TEF: variants seen among roughly 807,000 people sequenced by gnomAD.
TEF encodes thyrotroph embryonic factor.
TEF carries 3 observed loss-of-function variants against 20.8 expected under a neutral mutation model. The observed-to-expected ratio is 0.14, with a 90% confidence interval of 0.07 to 0.37. The LOEUF is 0.37. TEF is among the 10% of genes least tolerant of loss of function. TEF has a pLI of 1.00. For synonymous variants in TEF, 180 were observed against 171.1 expected (o/e 1.05, Z -0.41); for missense variants, 296 against 397.9 (o/e 0.74, Z 2.18).
intron 1 of TEF, 59 bp from the exon 2 acceptor site, chr22:41,387,292 C>T: frequency 6.3e-7 from 1 of 1,581,510 alleles, no homozygotes; most frequent in Non-Finnish European, 8.6e-7. Flanking sequence ...TCACTGCCCA[C>T]TTCCTGGGAT....
chr22:41,385,975 GC>G (rs1203757108), intron 1 of TEF, among the ~76,000 whole-genome samples: 1 of 141,554 alleles, frequency 7.1e-6, no homozygotes, highest in Admixed American at 7.5e-5. Flanking sequence ...GTGAGCCACC[GC>G]CCCCGGTACC....
At chr22:41,378,458 G>A (rs2036975349), upstream of TEF, among the ~76,000 whole-genome samples, 1 of 150,174 alleles carries the variant, frequency 6.7e-6, no homozygotes, top group Admixed American at 6.7e-5. Flanking sequence ...CCATTCTCCT[G>A]CTTCAACCTC....
intron 2 of TEF, 85 bp downstream of exon 2, chr22:41,387,753 C>T (rs2037115566): frequency 7.3e-7 from 1 of 1,367,388 alleles, no homozygotes; most frequent in African/African-American, 1.4e-5. Context: ...TCCATGTACC[C>T]AGTGAGTCCC....
upstream of TEF, among the ~76,000 whole-genome samples, chr22:41,378,165 C>CTTTTT (rs1227353344): frequency 3.4e-5 from 3 of 89,468 alleles, no homozygotes; most frequent in Non-Finnish European, 4.5e-5. Context: ...CCTTAGCTTC[C>CTTTTT]TTTTTTTTTT....
intron 1 of TEF, chr22:41,368,986 C>T (rs762299389): frequency 1.0e-5 from 9 of 887,874 alleles, no homozygotes; most frequent in Non-Finnish European, 1.2e-5. Context: ...CAGAGCTGAA[C>T]ACATTTCCAA....
upstream of TEF, among the ~76,000 whole-genome samples, chr22:41,379,662 C>T (rs1376513549): frequency 1.3e-5 from 2 of 152,080 alleles, no homozygotes; most frequent in African/African-American, 4.8e-5. Context: ...GTCAGGAGTT[C>T]GAGACCAGCC....
At chr22:41,380,079 CA>C (rs1369919916), upstream of TEF, among the ~76,000 whole-genome samples, 2 of 152,138 alleles carry the variant, frequency 1.3e-5, no homozygotes, top group African/African-American at 4.8e-5. Flanking sequence ...CAAAGTCCTT[CA>C]AATCTCTTGC....
At chr22:41,371,010 C>T (rs958073640) in intron 1 of TEF, among the ~76,000 whole-genome samples, 6 of 152,206 alleles carry the variant, frequency 3.9e-5, no homozygotes, top group African/African-American at 1.4e-4. Flanking sequence ...TCAGTTTCCC[C>T]TCTATGTCCC....
intron 1 of TEF, among the ~76,000 whole-genome samples, chr22:41,368,389 G>A (rs564093125): frequency 7.2e-5 from 11 of 152,150 alleles, no homozygotes; most frequent in African/African-American, 2.7e-4. Flanking sequence ...TGAGCACCTG[G>A]GGTGTCCTCT....
In TEF at chr22:41,398,346, G is replaced by A. The variant is rs1440173008; in HGVS notation, c.*2386G>A. ...TCTTGGAGGCCGACCGCTGGAGACTGCGGCTCCTGTGCTTGGATCTTTGAC... is the reference window on the plus strand; with the variant it reads ...TCTTGGAGGCCGACCGCTGGAGACTACGGCTCCTGTGCTTGGATCTTTGAC... On this transcript the variant is annotated 3_prime_UTR_variant, in exon 4 of 4. Coordinates refer to ENST00000266304, the MANE Select transcript of TEF (RefSeq NM_003216.4). 6.5e-6 allele frequency: 1 copy of A among 153,792 alleles called. No individual in the cohort carries two copies. The highest frequency in any genetic ancestry group is 1.5e-5 in the Non-Finnish European group (1 of 68,072). 9.5% of individuals were successfully genotyped at this position (153,792 alleles called of 1,614,324 possible). A position where few individuals can be genotyped will look rare whatever the true frequency, so the allele number is the denominator to read the frequency against.
At chr22:41,371,482 T>C (rs9611565) in intron 1 of TEF, among the ~76,000 whole-genome samples, 46,093 of 150,840 alleles carry the variant, frequency 0.31, 7,793 homozygotes, top group Admixed American at 0.48. Context: ...AACCCACTGG[T>C]TGGGACTTGC....
At chr22:41,374,375 C>A (rs1278684490) in intron 1 of TEF, among the ~76,000 whole-genome samples, 3 of 152,014 alleles carry the variant, frequency 2.0e-5, no homozygotes, top group African/African-American at 7.2e-5. Context: ...ATGGTGCAAC[C>A]CTGTCTCTAC....
At chr22:41,392,670 C>CAAAAAAAA (rs920294546) in intron 2 of TEF, among the ~76,000 whole-genome samples, 3 of 39,324 alleles carry the variant, frequency 7.6e-5, no homozygotes, top group Non-Finnish European at 9.1e-5. Flanking sequence ...TGAGACTCTT[C>CAAAAAAAA]AAAAAAAAAA....
chr22:41,380,214 C>T (rs938283015), upstream of TEF, among the ~76,000 whole-genome samples: 25 of 152,158 alleles, frequency 1.6e-4, no homozygotes, highest in Non-Finnish European at 1.5e-4. Flanking sequence ...TGCAGTGGCG[C>T]GATCTCGGCT....
In TEF at chr22:41,395,766, C is replaced by T. The variant is rs2145993672; in HGVS notation, c.718C>T (p.Arg240Cys). Residue 240 changes from arginine (R) to cysteine (C), a missense_variant, in exon 4 of 4, where the codon CGC (arginine) becomes TGC (cysteine). This residue lies in a region of TEF where 194 missense variants were observed against 317.8 expected (regional missense o/e 0.61). Transcript: ENST00000266304. ...ACAGGATGAAAAGTACTGGACAAGA[C>T]GCAAGAAGAACAACGTGGCAGCTAA... ...EQKDEKYWTRRKKNNVAAKRS... is the reference protein window; with the variant it reads ...EQKDEKYWTRCKKNNVAAKRS... The T allele has an allele frequency of 1.9e-6, 3 of 1,614,068 alleles. No individual in the cohort carries two copies. Among genetic ancestry groups the T allele is most frequent in the Non-Finnish European group, 1.7e-6 (2 of 1,180,004 alleles).
At chr22:41,374,566 A>G (rs1389355376) in intron 1 of TEF, among the ~76,000 whole-genome samples, 1 of 151,548 alleles carries the variant, frequency 6.6e-6, no homozygotes, top group African/African-American at 2.4e-5. Context: ...AAAAAAAAAA[A>G]TTAGCCAGGC....
intron 1 of TEF, among the ~76,000 whole-genome samples, chr22:41,368,388 G>A (rs1180465164): frequency 2.0e-5 from 3 of 152,078 alleles, no homozygotes; most frequent in Non-Finnish European, 4.4e-5. Flanking sequence ...TTGAGCACCT[G>A]GGGTGTCCTC....
At chr22:41,386,514 G>A (rs1371019047) in intron 1 of TEF, among the ~76,000 whole-genome samples, 1 of 151,938 alleles carries the variant, frequency 6.6e-6, no homozygotes, top group Admixed American at 6.6e-5. Flanking sequence ...GCTGAGGCGG[G>A]TGGATCACCT....
At chr22:41,393,936 G>T (rs1422490907) in intron 2 of TEF, among the ~76,000 whole-genome samples, 160 bp from the exon 3 acceptor site, 1 of 152,150 alleles carries the variant, frequency 6.6e-6, no homozygotes, top group Non-Finnish European at 1.5e-5. Context: ...ATTGAACCGT[G>T]TGCCAGTCTG....
Sources: gnomAD v4.1 joint callset for allele counts (sites outside exome capture counted in the v4.1 genomes callset) on GRCh38, gnomAD v4.1.1 for gene constraint, gnomAD v4.1.1 regional missense constraint, MANE v1.5 for transcripts, NCBI Gene and HGNC (gene_info 2026-07-23, HGNC 2026-07-21) for gene names.